NAPEPLD: variants seen among roughly 807,000 people sequenced by gnomAD.
NAPEPLD encodes the protein N-acyl-phosphatidylethanolamine-hydrolyzing phospholipase D.
A neutral mutation model predicts 38.1 loss-of-function variants in NAPEPLD; 23 were observed. The ratio of observed to expected loss-of-function variants is 0.60; its 90% CI spans 0.43 to 0.86. The LOEUF (loss-of-function observed/expected upper bound fraction) is 0.86. Ranked by LOEUF, NAPEPLD falls within the 40% of genes least tolerant of loss-of-function variation. The pLI is 0.00. For synonymous variants in NAPEPLD, 147 were observed against 162.0 expected, an observed-to-expected ratio of 0.91 and a Z score of 0.71; for missense variants, 411 against 476.8, an observed-to-expected ratio of 0.86 and a Z score of 1.28.
intron 1 of NAPEPLD, among the ~76,000 whole-genome samples, chr7:103,146,344 C>CAAA (rs200723040): frequency 1.0e-5 from 1 of 96,652 alleles, no homozygotes. Context: ...GACTCCGTCT[C>CAAA]AAAAAAAAAA....
intron 1 of NAPEPLD, among the ~76,000 whole-genome samples, chr7:103,131,728 G>A (rs2129531731): frequency 6.6e-6 from 1 of 152,134 alleles, no homozygotes; most frequent in East Asian, 1.9e-4. Flanking sequence ...AGACTGGACA[G>A]TAAAGATGGG....
At chr7:103,122,064 T>C (rs1806810440) in intron 2 of NAPEPLD, among the ~76,000 whole-genome samples, 1 of 151,140 alleles carries the variant, frequency 6.6e-6, no homozygotes, top group African/African-American at 2.4e-5. Context: ...TTAAGAGCCT[T>C]GAGTGTCATG....
chr7:103,135,634 G>A (rs1809869880), intron 1 of NAPEPLD, among the ~76,000 whole-genome samples: 1 of 152,070 alleles, frequency 6.6e-6, no homozygotes, highest in South Asian at 2.1e-4. Flanking sequence ...AAAGCAAACA[G>A]AAGCTTAATA....
intron 2 of NAPEPLD, among the ~76,000 whole-genome samples, chr7:103,124,673 G>A (rs192989568): frequency 2.6e-5 from 4 of 152,212 alleles, no homozygotes; most frequent in East Asian, 1.9e-4. Context: ...TACTTTTCTC[G>A]GGAAAAGGGA....
In NAPEPLD at chr7:103,105,038, T is replaced by C. The variant is rs182723144; in HGVS notation, c.1057-1484A>G. 1.8e-4 allele frequency among the ~76,000 whole-genome samples: 27 copies of C among 152,342 alleles called. No homozygotes were observed. The East Asian group carries it at 5.2e-3, about 29-fold the overall frequency. On this transcript the variant is annotated intron_variant, in intron 4 of 4. Coordinates refer to ENST00000465647, the MANE Select transcript of NAPEPLD (RefSeq NM_001122838.3). ...ATGTTAGAGTTGGCAGTAGACCCTCTGTCTTTAATCTGCCTAGATTTAGCA... is the reference window on the plus strand; with the variant it reads ...ATGTTAGAGTTGGCAGTAGACCCTCCGTCTTTAATCTGCCTAGATTTAGCA...
chr7:103,129,878 C>A (rs922728464), intron 1 of NAPEPLD, among the ~76,000 whole-genome samples: 4 of 152,136 alleles, frequency 2.6e-5, no homozygotes, highest in African/African-American at 9.7e-5. Flanking sequence ...CACATAAACC[C>A]AACATCACAG....
chr7:103,111,210 AC>A (rs745746403), intron 4 of NAPEPLD, among the ~76,000 whole-genome samples: 1 of 152,184 alleles, frequency 6.6e-6, no homozygotes, highest in Admixed American at 6.5e-5. Context: ...AGTCAATGCT[AC>A]CCCCATCAAG....
At chr7:103,122,848 A>G (rs1806996407) in intron 2 of NAPEPLD, among the ~76,000 whole-genome samples, 2 of 152,310 alleles carry the variant, frequency 1.3e-5, no homozygotes, top group South Asian at 2.1e-4. Flanking sequence ...TGTCAACTCA[A>G]TCCATGCACA....
rs1802188814 is a variant in NAPEPLD, at chr7:103,100,131, T to C, written c.*3298A>G. On this transcript the variant is annotated 3_prime_UTR_variant, in exon 5 of 5. Coordinates refer to ENST00000465647, the MANE Select transcript of NAPEPLD (RefSeq NM_001122838.3). ...ACAGAAATCAAACTTGGAAGAAATATTTTTACATTAGAAAAAGGACTCAGT... is the reference window on the plus strand; with the variant it reads ...ACAGAAATCAAACTTGGAAGAAATACTTTTACATTAGAAAAAGGACTCAGT... 6.6e-6 allele frequency: 1 copy of C among 152,186 alleles called. No homozygotes were observed. The highest frequency in any genetic ancestry group is 6.5e-5 in the Admixed American group (1 of 15,272). 9.4% of individuals were successfully genotyped at this position (152,186 alleles called of 1,614,324 possible).
chr7:103,148,045 G>A (rs999296757), intron 1 of NAPEPLD: 5 of 984,698 alleles, frequency 5.1e-6, no homozygotes, highest in South Asian at 4.7e-5. Flanking sequence ...TCTTTTTAAA[G>A]ATTACATAAC....
chr7:103,139,702 C>T (rs1383792774), intron 1 of NAPEPLD, among the ~76,000 whole-genome samples: 4 of 152,096 alleles, frequency 2.6e-5, no homozygotes, highest in African/African-American at 4.8e-5. Flanking sequence ...TTATTCTGCC[C>T]GCAGTGTCAT....
At chr7:103,140,078 C>T (rs1335753275) in intron 1 of NAPEPLD, among the ~76,000 whole-genome samples, 4 of 152,206 alleles carry the variant, frequency 2.6e-5, no homozygotes, top group Non-Finnish European at 5.9e-5. Flanking sequence ...TTGAAAACAT[C>T]TTAAAATAAA....
At chr7:103,112,924 C>T (rs113364507) in intron 4 of NAPEPLD, among the ~76,000 whole-genome samples, 18 of 152,144 alleles carry the variant, frequency 1.2e-4, no homozygotes, top group African/African-American at 4.3e-4. Context: ...ATAAAGATGG[C>T]GGTTAGGTTT....
chr7:103,135,283 A>G (rs1420129670), intron 1 of NAPEPLD, among the ~76,000 whole-genome samples: 2 of 152,220 alleles, frequency 1.3e-5, no homozygotes, highest in Admixed American at 1.3e-4. Context: ...CTTTTGATAC[A>G]ATGCTAGATA....
intron 2 of NAPEPLD, among the ~76,000 whole-genome samples, chr7:103,120,546 C>T (rs1285531189): frequency 1.3e-5 from 2 of 152,024 alleles, no homozygotes; most frequent in East Asian, 3.9e-4. Flanking sequence ...GGCCTAGATG[C>T]AGTCATTTTT....
At chr7:103,149,131 C>A (rs751586718), upstream of NAPEPLD, 7 of 987,400 alleles carry the variant, frequency 7.1e-6, no homozygotes, top group Non-Finnish European at 7.2e-6. Flanking sequence ...GTGGAGGAGG[C>A]AGCAGAGAGG....
chr7:103,138,821 A>G (rs1442755464), intron 1 of NAPEPLD, among the ~76,000 whole-genome samples: 1 of 152,166 alleles, frequency 6.6e-6, no homozygotes, highest in African/African-American at 2.4e-5. Flanking sequence ...ACTTTCATTC[A>G]TCTGTAAAAT....
upstream of NAPEPLD, chr7:103,149,287 T>TG (rs1813257154): frequency 9.4e-7 from 1 of 1,064,748 alleles, no homozygotes; most frequent in Non-Finnish European, 1.1e-6. Flanking sequence ...ACCTCGCGCT[T>TG]GGGGTGGCCG....
Position 103,128,693 on chromosome 7 carries a change from T to G in NAPEPLD, c.84A>C (p.Ala28=). The change falls in exon 2 of 5, where the codon GCA becomes GCC. Residue 28 remains alanine, a synonymous_variant. Coordinates refer to ENST00000465647, the MANE Select transcript of NAPEPLD (RefSeq NM_001122838.3). ...AAGAATCACTTGCTCCGGAATTCCG[T>G]GCTGAATTTTGACGTTTTCTTACTG... ...KEAVRKRQNS[A]RNSGASDSSR... is the part of the protein sequence containing the mutation. 6.2e-7 allele frequency: 1 copy of G among 1,614,162 alleles called. No individual in the cohort carries two copies. Among genetic ancestry groups the G allele is most frequent in the Non-Finnish European group, 8.5e-7 (1 of 1,180,024 alleles).
Sources: gnomAD v4.1 joint callset for allele counts (sites outside exome capture counted in the v4.1 genomes callset) on GRCh38, gnomAD v4.1.1 for gene constraint, MANE v1.5 for transcripts, NCBI Gene and HGNC (gene_info 2026-07-23, HGNC 2026-07-21) for gene names.